The following GRXCR1 variants were observed in gnomAD, a reference collection of about 807,000 sequenced individuals.
GRXCR1 encodes glutaredoxin domain-containing cysteine-rich protein 1.
A neutral mutation model predicts 27.3 loss-of-function variants in GRXCR1; 27 were observed. The observed-to-expected ratio is 0.99, with a 90% confidence interval of 0.73 to 1.37. GRXCR1 has a LOEUF of 1.37. Among genes scored for constraint, GRXCR1 ranks in the 40% most tolerant of loss-of-function variants. The pLI is 0.00. For missense variants in GRXCR1, 379 were observed against 354.4 expected (o/e 1.07, Z -0.56); for synonymous variants, 122 against 131.1 (o/e 0.93, Z 0.47).
intron 2 of GRXCR1, among the ~76,000 whole-genome samples, chr4:43,005,861 C>T (rs1712540322): frequency 6.6e-6 from 1 of 152,160 alleles, no homozygotes; most frequent in African/African-American, 2.4e-5. Flanking sequence ...GACTATGAAT[C>T]TGGTCCCATG....
rs776569916 is a variant in GRXCR1, at chr4:42,912,636, T to A, written c.384+18986T>A. On this transcript the variant is annotated intron_variant, in intron 1 of 3. Transcript: ENST00000399770. ...GTGACAAGACCATTATATATTCATG[T>A]ATGTGCAGAGATTGCAACATTTTCT... is the stretch of plus-strand genomic sequence containing the variant. Among the ~76,000 whole-genome samples, 12 of 152,214 alleles carry A rather than the reference T, an allele frequency of 7.9e-5. No individual in the cohort carries two copies. In the South Asian group the frequency reaches 2.5e-3, roughly 32 times the overall value.
rs570376281 is a variant in GRXCR1, at chr4:43,010,777, T to C, written c.628-9577T>C. Among the ~76,000 whole-genome samples the C allele has an allele frequency of 2.6e-5, 4 of 152,286 alleles. No individual in the cohort carries two copies. In the East Asian group the frequency reaches 7.7e-4, roughly 29 times the overall value. On this transcript the variant is annotated intron_variant, in intron 2 of 3. Coordinates refer to ENST00000399770, the MANE Select transcript of GRXCR1 (RefSeq NM_001080476.3). ...TTGACAGTGTGATTTTTAAAAAAGC[T>C]CTTTGAAATAGGCTAAAAATTAGAC...
intron 1 of GRXCR1, among the ~76,000 whole-genome samples, chr4:42,933,296 G>A (rs1189896595): frequency 6.6e-6 from 1 of 151,876 alleles, no homozygotes; most frequent in African/African-American, 2.4e-5. Flanking sequence ...GGACTCATGA[G>A]TCAGAGCCAT....
rs145084131 is a variant in GRXCR1, at chr4:43,011,229, C to A, written c.628-9125C>A. 3.4e-4 allele frequency among the ~76,000 whole-genome samples: 52 copies of A among 152,302 alleles called. No individual in the cohort carries two copies. In the East Asian group the frequency reaches 8.7e-3, roughly 25 times the overall value. The stretch of plus-strand genomic sequence containing the variant: ...TCGTGCTGGTTAATTTCTGTTTTCC[C>A]TTCCAGGTCCGTTTTCTCCTTTTCC... On this transcript the variant is annotated intron_variant, in intron 2 of 3. Transcript: ENST00000399770.
At chr4:42,928,559 G>A (rs1182980039) in intron 1 of GRXCR1, among the ~76,000 whole-genome samples, 1 of 151,940 alleles carries the variant, frequency 6.6e-6, no homozygotes, top group South Asian at 2.1e-4. Context: ...AAAAGGAGAT[G>A]GAAGAGAGGC....
intron 1 of GRXCR1, among the ~76,000 whole-genome samples, chr4:42,932,334 C>T (rs1747331847): frequency 6.6e-6 from 1 of 151,518 alleles, no homozygotes; most frequent in Non-Finnish European, 1.5e-5. Context: ...AATATATTTC[C>T]CACAGCAGTA....
rs183848114 is a variant in GRXCR1, at chr4:43,015,061, G to A, written c.628-5293G>A. ...CATACGAGTTTCCCAAGAGGTGGTG[G>A]AAGAAAGATAGAAGAAATATCAGGA... On this transcript the variant is annotated intron_variant, in intron 2 of 3. Coordinates refer to ENST00000399770, the MANE Select transcript of GRXCR1 (RefSeq NM_001080476.3). Among the ~76,000 whole-genome samples the A allele has an allele frequency of 2.2e-4, 34 of 152,270 alleles. No individual in the cohort carries two copies. In the East Asian group the frequency reaches 6.4e-3, roughly 29 times the overall value.
chr4:43,009,729 C>T lies in GRXCR1; in HGVS notation c.628-10625C>T, dbSNP rs375868932. On this transcript the variant is annotated intron_variant, in intron 2 of 3. Transcript: ENST00000399770. ...AGGGCATTAATCCTATTCCTCAGGG[C>T]TCTGCCTTCATAACCTAATCACCCC... 9.2e-5 allele frequency among the ~76,000 whole-genome samples: 14 copies of T among 152,144 alleles called. No homozygotes were observed. The South Asian group carries it at 2.9e-3, about 32-fold the overall frequency.
At chr4:42,982,217 C>T (rs1207870614) in intron 2 of GRXCR1, among the ~76,000 whole-genome samples, 1 of 150,234 alleles carries the variant, frequency 6.7e-6, no homozygotes, top group East Asian at 2.0e-4. Flanking sequence ...CCCCCTACCC[C>T]ACAACAGTCC....
intron 3 of GRXCR1, among the ~76,000 whole-genome samples, chr4:43,030,095 T>C (rs1052793147): frequency 6.6e-6 from 1 of 152,208 alleles, no homozygotes; most frequent in Non-Finnish European, 1.5e-5. Flanking sequence ...TTTCTTGAAG[T>C]TATGTGCCCT....
chr4:42,976,595 T>A (rs915678928), intron 2 of GRXCR1, among the ~76,000 whole-genome samples: 1 of 151,966 alleles, frequency 6.6e-6, no homozygotes, highest in Non-Finnish European at 1.5e-5. Context: ...AAACCTCCCA[T>A]TCTTGGTACC....
intron 1 of GRXCR1, 73 bp downstream of exon 1, chr4:42,893,723 T>C (rs1489290198): frequency 4.2e-6 from 6 of 1,442,588 alleles, no homozygotes; most frequent in Admixed American, 1.7e-5. Context: ...AGTTCTCCAG[T>C]TAAAGCAAGC....
chr4:43,011,993 C>A (rs11941642), intron 2 of GRXCR1, among the ~76,000 whole-genome samples: 3 of 152,082 alleles, frequency 2.0e-5, no homozygotes, highest in Non-Finnish European at 2.9e-5. Context: ...CTCCCTCCTG[C>A]GAATGGAATT....
intron 1 of GRXCR1, among the ~76,000 whole-genome samples, chr4:42,915,419 G>T (rs1304179343): frequency 6.6e-6 from 1 of 152,142 alleles, no homozygotes; most frequent in Admixed American, 6.6e-5. Flanking sequence ...CAATTAGGGT[G>T]TGTAGGATTG....
intron 2 of GRXCR1, among the ~76,000 whole-genome samples, chr4:43,002,178 C>G (rs1005066450): frequency 1.3e-5 from 2 of 152,280 alleles, no homozygotes; most frequent in Non-Finnish European, 2.9e-5. Context: ...AGAGGCTTTC[C>G]TCTTTTACTA....
intron 1 of GRXCR1, among the ~76,000 whole-genome samples, chr4:42,933,261 A>G (rs1052594067): frequency 2.6e-5 from 4 of 151,826 alleles, no homozygotes; most frequent in Non-Finnish European, 5.9e-5. Context: ...GTTTTTCTAA[A>G]ACCAGTGCTT....
intron 1 of GRXCR1, among the ~76,000 whole-genome samples, chr4:42,949,083 C>T (rs1468706109): frequency 6.6e-6 from 1 of 152,060 alleles, no homozygotes; most frequent in Non-Finnish European, 1.5e-5. Flanking sequence ...GGGCCAGGCC[C>T]GGTGGCTCAC....
chr4:42,932,039 A>G (rs1747323696), intron 1 of GRXCR1, among the ~76,000 whole-genome samples: 1 of 151,692 alleles, frequency 6.6e-6, no homozygotes. Context: ...CACGGAAAAG[A>G]CCCACCCCCA....
intron 2 of GRXCR1, among the ~76,000 whole-genome samples, chr4:42,973,408 C>T (rs1560670474): frequency 6.6e-6 from 1 of 152,014 alleles, no homozygotes; most frequent in Non-Finnish European, 1.5e-5. Context: ...TTGCCATTTC[C>T]TGTTTCTTCA....
Sources: allele counts gnomAD v4.1 joint callset (sites outside exome capture counted in the v4.1 genomes callset), GRCh38; gene constraint gnomAD v4.1.1; transcripts MANE v1.5; gene names NCBI Gene and HGNC (gene_info 2026-07-23, HGNC 2026-07-21).